The following BRINP3 variants were observed in gnomAD, a reference collection of about 807,000 sequenced individuals.
BRINP3 encodes BMP/retinoic acid-inducible neural-specific protein 3.
In BRINP3, 19 loss-of-function variants were observed where a neutral mutation model predicts 71.0. The observed-to-expected ratio is 0.27, with a 90% CI of 0.19 to 0.39. The LOEUF is 0.39. Among genes scored for constraint, BRINP3 ranks in the 10% least tolerant of loss-of-function variants. The probability of loss-of-function intolerance (pLI) is 1.00; values close to 1 mark genes in which losing one functional copy is unlikely to be tolerated. For synonymous variants in BRINP3, 380 were observed against 337.7 expected (o/e 1.13, Z -1.37); for missense variants, 959 against 940.8 (o/e 1.02, Z -0.25).
chr1:190,224,210 T>C (rs1558081222), intron 6 of BRINP3, among the ~76,000 whole-genome samples: 1 of 151,660 alleles, frequency 6.6e-6, no homozygotes, highest in African/African-American at 2.4e-5. Context: ...AGAACAAAGC[T>C]AGAATCATCA....
At chr1:190,149,491 A>G (rs1194771967) in intron 7 of BRINP3, among the ~76,000 whole-genome samples, 3 of 152,190 alleles carry the variant, frequency 2.0e-5, no homozygotes, top group Non-Finnish European at 2.9e-5. Context: ...TATAAAAGAA[A>G]AATCATGTAT....
At chr1:190,319,578 A>G (rs1223535645) in intron 2 of BRINP3, among the ~76,000 whole-genome samples, 1 of 152,132 alleles carries the variant, frequency 6.6e-6, no homozygotes, top group Non-Finnish European at 1.5e-5. Context: ...GGAGGCATCA[A>G]AAAGCTTCAA....
In BRINP3 at chr1:190,234,497, C is replaced by A; in HGVS notation, c.619-20G>T. The A allele has an allele frequency of 6.4e-7, 1 of 1,556,790 alleles. No homozygotes were observed. On this transcript the variant is annotated intron_variant, in intron 4 of 7. Coordinates refer to ENST00000367462, the MANE Select transcript of BRINP3 (RefSeq NM_199051.3). ...TGTTACCTGGCAAACAAAACATCAA[C>A]TTTATTATCTAAATCAGACTTTACA... is the stretch of plus-strand genomic sequence containing the variant.
intron 7 of BRINP3, among the ~76,000 whole-genome samples, chr1:190,134,480 G>A (rs745409207): frequency 2.6e-5 from 4 of 152,140 alleles, no homozygotes; most frequent in Non-Finnish European, 5.9e-5. Flanking sequence ...CTGCTGTGTG[G>A]AGAATGAATT....
intron 2 of BRINP3, among the ~76,000 whole-genome samples, chr1:190,365,105 A>G (rs1669396355): frequency 6.6e-6 from 1 of 152,150 alleles, no homozygotes; most frequent in Non-Finnish European, 1.5e-5. Context: ...GATACTAACT[A>G]CAAAATCATT....
intron 6 of BRINP3, among the ~76,000 whole-genome samples, chr1:190,187,616 C>T (rs902934526): frequency 6.6e-6 from 1 of 152,126 alleles, no homozygotes; most frequent in Non-Finnish European, 1.5e-5. Flanking sequence ...GTTTTCCCAA[C>T]ACTATTTATT....
chr1:190,402,065 C>T (rs1671962737), intron 2 of BRINP3, among the ~76,000 whole-genome samples: 1 of 151,878 alleles, frequency 6.6e-6, no homozygotes, highest in Non-Finnish European at 1.5e-5. Context: ...AGACAGTTAA[C>T]AGTAAAAATA....
chr1:190,324,416 CT>C (rs1666448776), intron 2 of BRINP3, among the ~76,000 whole-genome samples: 2 of 151,906 alleles, frequency 1.3e-5, no homozygotes, highest in Admixed American at 1.3e-4. Flanking sequence ...ACATTTCCCC[CT>C]ACAAAAATTC....
intron 2 of BRINP3, among the ~76,000 whole-genome samples, chr1:190,407,490 A>G (rs1195246338): frequency 6.6e-6 from 1 of 152,036 alleles, no homozygotes; most frequent in African/African-American, 2.4e-5. Flanking sequence ...TGACACTCCA[A>G]CCTCTCTCCA....
intron 7 of BRINP3, among the ~76,000 whole-genome samples, chr1:190,120,790 C>T (rs977585363): frequency 8.6e-5 from 13 of 152,022 alleles, no homozygotes; most frequent in African/African-American, 2.4e-4. Flanking sequence ...GTGTGAGCCA[C>T]GGCACCCGGC....
intron 2 of BRINP3, among the ~76,000 whole-genome samples, chr1:190,384,176 TC>T (rs1670732067): frequency 7.7e-6 from 1 of 129,182 alleles, no homozygotes; most frequent in South Asian, 2.5e-4. Context: ...ATCATTGCCT[TC>T]CTTTTTCTTC....
intron 2 of BRINP3, among the ~76,000 whole-genome samples, chr1:190,429,924 G>T (rs531222994): frequency 1.3e-5 from 2 of 151,918 alleles, no homozygotes; most frequent in Non-Finnish European, 2.9e-5. Context: ...GGTTTTTAAA[G>T]GGTTATGTTA....
At position 190,236,893 on chromosome 1, in the gene BRINP3, C is replaced by T. The variant is rs568554164; in HGVS notation, c.619-2416G>A. On this transcript the variant is annotated intron_variant, in intron 4 of 7. Coordinates refer to ENST00000367462, the MANE Select transcript of BRINP3 (RefSeq NM_199051.3). ...TATCACATGAATATAAACACACACA[C>T]GCCTGCCTTTTTTAGAAAGTTTTCT... Among the ~76,000 whole-genome samples, 20 of 151,946 alleles carry T rather than the reference C, an allele frequency of 1.3e-4. No individual in the cohort carries two copies. The South Asian group carries it at 3.7e-3, about 28-fold the overall frequency.
chr1:190,118,263 T>C (rs571442270), intron 7 of BRINP3, among the ~76,000 whole-genome samples: 31 of 152,252 alleles, frequency 2.0e-4, no homozygotes, highest in Middle Eastern at 3.4e-3. Context: ...GTGCCTATTA[T>C]AATAGAAAGT....
chr1:190,330,140 C>A (rs568260727), intron 2 of BRINP3, among the ~76,000 whole-genome samples: 1 of 151,798 alleles, frequency 6.6e-6, no homozygotes, highest in South Asian at 2.1e-4. Context: ...CAAGTAGGAC[C>A]TATTAAAACA....
At chr1:190,326,751 C>T (rs1026377279) in intron 2 of BRINP3, among the ~76,000 whole-genome samples, 5 of 151,960 alleles carry the variant, frequency 3.3e-5, no homozygotes, top group African/African-American at 4.8e-5. Flanking sequence ...CAAACAAGCA[C>T]TAAAATAATC....
chr1:190,125,379 G>A (rs1363884325), intron 7 of BRINP3, among the ~76,000 whole-genome samples: 11 of 151,282 alleles, frequency 7.3e-5, no homozygotes, highest in Non-Finnish European at 2.9e-5. Flanking sequence ...TGAATAAAAT[G>A]TGTAGATATG....
chr1:190,111,193 A>AC (rs1219379205), intron 7 of BRINP3, among the ~76,000 whole-genome samples: 12 of 150,280 alleles, frequency 8.0e-5, no homozygotes, highest in Non-Finnish European at 1.0e-4. Context: ...AAAAAAAAAA[A>AC]AAAAAAAAAA....
intron 2 of BRINP3, among the ~76,000 whole-genome samples, chr1:190,400,133 C>A (rs565864971): frequency 1.3e-5 from 2 of 151,986 alleles, no homozygotes; most frequent in Non-Finnish European, 2.9e-5. Flanking sequence ...ACTGAAAACA[C>A]CTGATATGAC....
Sources: allele counts gnomAD v4.1 joint callset (sites outside exome capture counted in the v4.1 genomes callset), GRCh38; gene constraint gnomAD v4.1.1; transcripts MANE v1.5; gene names NCBI Gene and HGNC (gene_info 2026-07-23, HGNC 2026-07-21).